Variants in TJP1 observed in about 807,000 individuals in gnomAD.
TJP1 encodes the protein tight junction protein ZO-1.
A neutral mutation model predicts 194.2 loss-of-function variants in TJP1; 43 were observed. The ratio of observed to expected loss-of-function variants is 0.22; its 90% CI spans 0.17 to 0.29. The LOEUF (loss-of-function observed/expected upper bound fraction) is 0.29, where lower values mean the gene tolerates loss of function less well. TJP1 is among the 10% of genes least tolerant of loss of function. The pLI is 1.00. For missense variants in TJP1, 1,971 were observed against 2,185.7 expected (o/e 0.90, Z 1.96); for synonymous variants, 801 against 779.0 (o/e 1.03, Z -0.47).
intron 2 of TJP1, among the ~76,000 whole-genome samples, chr15:29,910,823 G>C (rs1345416973): frequency 6.6e-6 from 1 of 152,182 alleles, no homozygotes; most frequent in Non-Finnish European, 1.5e-5. Flanking sequence ...ATTCTGCATT[G>C]TCAATTATAT....
intron 22 of TJP1, among the ~76,000 whole-genome samples, chr15:29,717,145 C>T (rs1261916192): frequency 6.6e-6 from 1 of 151,974 alleles, no homozygotes; most frequent in Non-Finnish European, 1.5e-5. Flanking sequence ...GCAATGTAAC[C>T]GAGACAGTGA....
intron 2 of TJP1, among the ~76,000 whole-genome samples, chr15:29,895,750 G>A (rs752065849): frequency 6.6e-6 from 1 of 152,104 alleles, no homozygotes; most frequent in Non-Finnish European, 1.5e-5. Flanking sequence ...CACATTTCTA[G>A]GCATTTGTTA....
intron 1 of TJP1, among the ~76,000 whole-genome samples, chr15:29,801,959 G>A (rs926514658): frequency 6.6e-6 from 1 of 152,082 alleles, no homozygotes; most frequent in African/African-American, 2.4e-5. Context: ...TGGGCCGCAT[G>A]CGACCTGTGA....
chr15:29,725,603 T>A (rs1440702155), intron 18 of TJP1, among the ~76,000 whole-genome samples: 3 of 150,266 alleles, frequency 2.0e-5, no homozygotes, highest in Non-Finnish European at 3.0e-5. Flanking sequence ...CCCTCAATGG[T>A]GTATTCTGAG....
At chr15:29,925,088 G>A (rs1395013000) in intron 2 of TJP1, among the ~76,000 whole-genome samples, 1 of 152,126 alleles carries the variant, frequency 6.6e-6, no homozygotes, top group Admixed American at 6.5e-5. Flanking sequence ...TAATCAGAGA[G>A]CTGATTATGC....
intron 2 of TJP1, among the ~76,000 whole-genome samples, chr15:29,796,618 C>T (rs1025708162): frequency 6.6e-6 from 1 of 151,988 alleles, no homozygotes; most frequent in African/African-American, 2.4e-5. Context: ...AATGCAATCC[C>T]AATAAAATCC....
At chr15:29,761,100 C>T (rs1329012169) in intron 8 of TJP1, 39 bp downstream of exon 8, 5 of 1,534,484 alleles carry the variant, frequency 3.3e-6, no homozygotes, top group Non-Finnish European at 4.4e-6. Flanking sequence ...ATCAAGCAAA[C>T]AAAACCCCTG....
chr15:29,716,964 C>T, intron 22 of TJP1, 126 bp from the exon 23 acceptor site: 3 of 793,764 alleles, frequency 3.8e-6, no homozygotes, highest in Non-Finnish European at 5.9e-6. Context: ...TACTGAGGAT[C>T]TGAGCAGTCC....
chr15:29,851,991 T>C (rs2051660392), intron 2 of TJP1, among the ~76,000 whole-genome samples: 1 of 152,190 alleles, frequency 6.6e-6, no homozygotes, highest in Non-Finnish European at 1.5e-5. Context: ...TCAAAATGTA[T>C]GACACTTAAG....
At chr15:29,874,517 A>C (rs2052631779) in intron 2 of TJP1, among the ~76,000 whole-genome samples, 2 of 152,122 alleles carry the variant, frequency 1.3e-5, no homozygotes, top group African/African-American at 4.8e-5. Flanking sequence ...TTAAAAAAGG[A>C]ATCTACCCCA....
At chr15:29,872,294 C>A (rs1371651346) in intron 2 of TJP1, among the ~76,000 whole-genome samples, 2 of 152,166 alleles carry the variant, frequency 1.3e-5, no homozygotes, top group Admixed American at 6.5e-5. Flanking sequence ...CTGATTTTCC[C>A]TAGATTTGTC....
intron 2 of TJP1, among the ~76,000 whole-genome samples, chr15:29,907,869 G>T (rs934308794): frequency 3.3e-5 from 5 of 151,470 alleles, no homozygotes; most frequent in Non-Finnish European, 5.9e-5. Context: ...TCCTTTGCTT[G>T]CATAACAAAG....
At chr15:29,829,393 C>T (rs1596059648) in intron 2 of TJP1, among the ~76,000 whole-genome samples, 3 of 152,100 alleles carry the variant, frequency 2.0e-5, no homozygotes, top group Non-Finnish European at 2.9e-5. Flanking sequence ...CTTAGGTGTG[C>T]GAGGGTGCCT....
chr15:29,963,969 A>C (rs1273323308), intron 1 of TJP1, among the ~76,000 whole-genome samples: 1 of 152,102 alleles, frequency 6.6e-6, no homozygotes, highest in Non-Finnish European at 1.5e-5. Context: ...AATACTCTTA[A>C]AGCACTTAGT....
At chr15:29,749,217 G>A (rs1205517802) in intron 8 of TJP1, among the ~76,000 whole-genome samples, 1 of 151,066 alleles carries the variant, frequency 6.6e-6, no homozygotes, top group African/African-American at 2.4e-5. Context: ...TGGAGGCTAT[G>A]AGCTAGTTGA....
In TJP1 at chr15:29,966,595, T is replaced by G. The variant is rs1043515551; in HGVS notation, c.173+2072A>C. The stretch of plus-strand genomic sequence containing the variant: ...CATATTATTTCCCAATCACAAATTA[T>G]TAAGAATCCATTTATTCAACAAATA... On this transcript the variant is annotated intron_variant, in intron 1 of 28. Coordinates refer to the TJP1 transcript ENST00000356107. Among the ~76,000 whole-genome samples, 3 of 152,250 alleles carry G rather than the reference T, an allele frequency of 2.0e-5. No homozygotes were observed. The East Asian group carries it at 5.8e-4, about 29-fold the overall frequency.
chr15:29,897,266 T>C (rs1424465596), intron 2 of TJP1, among the ~76,000 whole-genome samples: 1 of 152,210 alleles, frequency 6.6e-6, no homozygotes, highest in East Asian at 1.9e-4. Flanking sequence ...AGGCCGTGGC[T>C]TCAGAGGGTG....
chr15:29,737,663 T>C (rs1489157290), intron 10 of TJP1, among the ~76,000 whole-genome samples: 1 of 152,224 alleles, frequency 6.6e-6, no homozygotes. Context: ...AACTAATTTA[T>C]AAAATTACTT....
intron 2 of TJP1, among the ~76,000 whole-genome samples, chr15:29,857,607 C>T (rs571285310): frequency 6.6e-6 from 1 of 152,276 alleles, no homozygotes; most frequent in Admixed American, 6.5e-5. Flanking sequence ...TGATGCAGAA[C>T]TGAATACTGA....
Sources: gnomAD v4.1 joint callset for allele counts (sites outside exome capture counted in the v4.1 genomes callset) on GRCh38, gnomAD v4.1.1 for gene constraint, MANE v1.5 for transcripts, NCBI Gene and HGNC (gene_info 2026-07-23, HGNC 2026-07-21) for gene names.